Variants in DST observed in about 807,000 individuals in gnomAD.
The protein encoded by DST is dystonin, also known as bullous pemphigoid antigen.
A neutral mutation model predicts 875.2 loss-of-function variants in DST; 253 were observed. That is an observed-to-expected ratio of 0.29 (90% CI 0.26 to 0.32). DST has a LOEUF of 0.32. DST is among the 10% of genes least tolerant of loss of function. The pLI is 1.00. For missense variants in DST, 8,287 were observed against 9,111.6 expected (o/e 0.91, Z 3.68); for synonymous variants, 3,124 against 3,197.1 (o/e 0.98, Z 0.77).
chr6:56,521,003 A>G (rs1288721920), intron 69 of DST, among the ~76,000 whole-genome samples: 2 of 152,240 alleles, frequency 1.3e-5, no homozygotes, highest in Middle Eastern at 3.4e-3. Context: ...AAAATAATCT[A>G]TCTTAAGCTG....
intron 61 of DST, among the ~76,000 whole-genome samples, chr6:56,543,375 G>GCT (rs1368478859): frequency 4.6e-5 from 7 of 152,138 alleles, no homozygotes; most frequent in Admixed American, 3.9e-4. Context: ...CCAGTGAGGG[G>GCT]CTCTCAGCAC....
At chr6:56,459,625 A>G (rs940009887) in intron 103 of DST, among the ~76,000 whole-genome samples, 3 of 152,354 alleles carry the variant, frequency 2.0e-5, no homozygotes, top group East Asian at 3.9e-4. Context: ...AACATAGAAC[A>G]AACAAGACAG....
intron 10 of DST, among the ~76,000 whole-genome samples, chr6:56,669,321 T>C (rs890434021): frequency 4.9e-5 from 6 of 123,552 alleles, no homozygotes; most frequent in Admixed American, 3.3e-4. Context: ...GGTAAAGAAA[T>C]ATATAGTTTT....
At chr6:56,666,782 C>T (rs1201939033) in intron 10 of DST, among the ~76,000 whole-genome samples, 2 of 149,890 alleles carry the variant, frequency 1.3e-5, no homozygotes, top group Non-Finnish European at 3.0e-5. Flanking sequence ...GTCACCTACC[C>T]TGGGGTGCAG....
intron 3 of DST, among the ~76,000 whole-genome samples, chr6:56,874,704 G>A (rs914618519): frequency 5.3e-5 from 8 of 152,122 alleles, no homozygotes; most frequent in African/African-American, 9.7e-5. Flanking sequence ...ATATCTATCC[G>A]TTCTAATCGC....
Position 56,498,040 on chromosome 6 carries a change from T to C in DST, c.19910A>G (p.Asp6637Gly). The C allele has an allele frequency of 6.2e-7, 1 of 1,612,040 alleles. No individual in the cohort carries two copies. Among genetic ancestry groups the C allele is most frequent in the Non-Finnish European group, 8.5e-7 (1 of 1,178,960 alleles). ...CACTGTGGACTGATGGGCTAATACA[T>C]CATTTTGGAGCACCTGAAAATATAA... ...ELAKHHVLQN[D>G]VLAHQSTVEA... Residue 6637 changes from aspartate (D) to glycine (G), a missense_variant, in exon 81 of 104, where the codon GAT (aspartate) becomes GGT (glycine). Asp to Gly is a moderately conservative substitution (Grantham distance 94). Transcript: ENST00000680361.
chr6:56,473,900 G>T lies in DST; in HGVS notation c.21967C>A (p.Pro7323Thr). 3.1e-6 allele frequency: 5 copies of T among 1,599,006 alleles called. No homozygotes were observed. Among genetic ancestry groups the T allele is most frequent in the Non-Finnish European group, 4.3e-6 (5 of 1,171,400 alleles). Reference sequence around the variant, plus strand: ...CCTGCTCGTCCCTTATCCAAGACTGGAATATGGGATTGTAATGAGGAAGGA... The same window carrying T: ...CCTGCTCGTCCCTTATCCAAGACTGTAATATGGGATTGTAATGAGGAAGGA... ...ADPSSLQSHI[P>T]VLDKGRAGRK... The change falls in exon 93 of 104, where the codon CCA becomes ACA. Residue 7323 changes from proline to threonine, a missense_variant. Transcript: ENST00000680361.
chr6:56,921,897 A>G (rs924723007), intron 2 of DST, among the ~76,000 whole-genome samples: 54 of 152,294 alleles, frequency 3.5e-4, no homozygotes, highest in African/African-American at 1.2e-3. Flanking sequence ...TAGGAGAAAG[A>G]TCTAACATGA....
intron 4 of DST, chr6:56,742,380 C>A (rs374864564): frequency 1.6e-6 from 2 of 1,287,082 alleles, no homozygotes; most frequent in African/African-American, 3.0e-5. Flanking sequence ...AAACTCTCTC[C>A]GTACAAACTC....
intron 28 of DST, 142 bp downstream of exon 28, chr6:56,632,712 C>T: frequency 4.2e-6 from 3 of 709,436 alleles, no homozygotes; most frequent in South Asian, 3.3e-5. Flanking sequence ...CTCAAACATG[C>T]TTTTACCGTT....
At chr6:56,716,964 G>A (rs940680275) in intron 5 of DST, among the ~76,000 whole-genome samples, 1 of 152,094 alleles carries the variant, frequency 6.6e-6, no homozygotes, top group South Asian at 2.1e-4. Flanking sequence ...GGCGGATCAC[G>A]AGGTCAGGAG....
intron 10 of DST, among the ~76,000 whole-genome samples, chr6:56,652,949 G>A (rs2098984597): frequency 6.6e-6 from 1 of 152,192 alleles, no homozygotes; most frequent in Non-Finnish European, 1.5e-5. Flanking sequence ...AAACAGGTAT[G>A]TATAGCAGTC....
At chr6:56,888,428 G>T (rs1785688813) in intron 3 of DST, among the ~76,000 whole-genome samples, 1 of 152,102 alleles carries the variant, frequency 6.6e-6, no homozygotes, top group Non-Finnish European at 1.5e-5. Flanking sequence ...AAGGGGAAAA[G>T]GAAACAAATG....
intron 93 of DST, among the ~76,000 whole-genome samples, chr6:56,473,277 T>C (rs186120402): frequency 1.3e-5 from 2 of 152,344 alleles, no homozygotes; most frequent in East Asian, 1.9e-4. Flanking sequence ...TTCTTTTTAA[T>C]TAAAAAATTA....
At chr6:56,471,062 C>T (rs774137012) in intron 95 of DST, 44 bp downstream of exon 95, 2 of 1,561,562 alleles carry the variant, frequency 1.3e-6, no homozygotes, top group South Asian at 2.4e-5. Context: ...TGCTTATTTC[C>T]TTTAAAAATT....
intron 82 of DST, among the ~76,000 whole-genome samples, chr6:56,496,572 TATTTTGGAGGTTTTTCTTTAC>T (rs965867199): frequency 5.3e-5 from 8 of 152,146 alleles, no homozygotes; most frequent in Admixed American, 2.6e-4. Context: ...TCATTCTGAT[TATTTTGGAGGTTTTTCTTTAC>T]ACTTCAAGGC....
chr6:56,791,698 T>C (rs1325970266), intron 4 of DST, among the ~76,000 whole-genome samples: 1 of 149,298 alleles, frequency 6.7e-6, no homozygotes, highest in African/African-American at 2.5e-5. Flanking sequence ...GGTAGGAGGA[T>C]CACCTGAGCC....
chr6:56,591,890 G>A (rs147526691), intron 49 of DST, among the ~76,000 whole-genome samples: 10 of 148,804 alleles, frequency 6.7e-5, no homozygotes, highest in African/African-American at 2.5e-4. Context: ...GCTGAGGCAG[G>A]AGAATCACTT....
chr6:56,875,921 C>T (rs946453730), intron 3 of DST, among the ~76,000 whole-genome samples: 1 of 152,148 alleles, frequency 6.6e-6, no homozygotes, highest in Non-Finnish European at 1.5e-5. Flanking sequence ...TTTCTAGGTG[C>T]CCTTTGAAAC....
Sources: gnomAD v4.1 joint callset for allele counts (sites outside exome capture counted in the v4.1 genomes callset) on GRCh38, gnomAD v4.1.1 for gene constraint, MANE v1.5 for transcripts, NCBI Gene and HGNC (gene_info 2026-07-23, HGNC 2026-07-21) for gene names.